The following SVIL variants were observed in gnomAD, a reference collection of about 807,000 sequenced individuals.
The protein encoded by SVIL is archvillin.
A neutral mutation model predicts 240.4 loss-of-function variants in SVIL; 101 were observed. The ratio of observed to expected loss-of-function variants is 0.42; its 90% CI spans 0.36 to 0.50. The LOEUF (loss-of-function observed/expected upper bound fraction) is 0.50, where lower values mean the gene tolerates loss of function less well. Among genes scored for constraint, SVIL ranks in the 20% least tolerant of loss-of-function variants. The probability of loss-of-function intolerance (pLI) is 0.01; values close to 1 mark genes in which losing one functional copy is unlikely to be tolerated. For synonymous variants in SVIL, 999 were observed against 1,100.0 expected (o/e 0.91, Z 1.82); for missense variants, 2,512 against 2,818.7 (o/e 0.89, Z 2.46).
intron 6 of SVIL, chr10:29,545,136 T>G (rs1952538756): frequency 1.9e-6 from 1 of 531,950 alleles, no homozygotes; most frequent in Non-Finnish European, 3.9e-6. Context: ...AACAGACCAC[T>G]GAGCCAAGAG....
rs57155637 is a variant in SVIL at position 29,652,018 on chromosome 10, A to AACACAC, written c.-201+5945_-201+5950dup. ...CCAATATATGTAAGACACACACACAAACACACACACACACACACACCAGGC... is the reference window on the plus strand; with the variant it reads ...CCAATATATGTAAGACACACACACAAACACACACACACACACACACACACACCAGGC... On this transcript the variant is annotated intron_variant, in intron 3 of 35. Coordinates refer to the SVIL transcript ENST00000375400. 9.3e-5 allele frequency among the ~76,000 whole-genome samples: 14 copies of AACACAC among 149,976 alleles called. No individual in the cohort carries two copies. The East Asian group carries it at 1.4e-3, about 15-fold the overall frequency.
At chr10:29,642,462 AGAAAGACC>A (rs201776989) in intron 3 of SVIL, among the ~76,000 whole-genome samples, 21,011 of 85,486 alleles carry the variant, frequency 0.25, 2,157 homozygotes, top group African/African-American at 0.34. Context: ...AAAGAAAGAA[AGAAAGACC>A]GACCCCTAAT....
At chr10:29,559,312 T>TC (rs1417810599) in intron 3 of SVIL, among the ~76,000 whole-genome samples, 1 of 150,022 alleles carries the variant, frequency 6.7e-6, no homozygotes, top group Non-Finnish European at 1.5e-5. Context: ...TTCTTTCTCT[T>TC]AAGTATATTT....
chr10:29,623,137 G>A (rs1957729136), intron 1 of SVIL, among the ~76,000 whole-genome samples: 1 of 152,136 alleles, frequency 6.6e-6, no homozygotes, highest in Non-Finnish European at 1.5e-5. Flanking sequence ...CAGTATTTTA[G>A]ATTTTTCCTC....
Position 29,522,550 on chromosome 10 carries a change from C to G in SVIL, c.3249G>C (p.Trp1083Cys), listed in dbSNP as rs1330684884. 1 of 1,614,044 alleles carries G rather than the reference C, an allele frequency of 6.2e-7. No homozygotes were observed. The highest frequency in any genetic ancestry group is 8.5e-7 in the Non-Finnish European group (1 of 1,180,040). Residue 1083 changes from tryptophan (W) to cysteine (C), a missense_variant, in exon 16 of 38, where the codon TGG (tryptophan) becomes TGC (cysteine). By Grantham distance (215) the Trp-to-Cys change is radical. Around this residue, in one of 3 missense-constraint regions of SVIL, gnomAD observed 1,443 missense variants for 1,486.6 expected, o/e 0.97. Transcript: ENST00000355867. ...TIAQTTAPVS[W>C]KPQDSSEQPQ... ...GCTGTTCCGAAGAATCCTGGGGCTT[C>G]CAGGACACGGGGGCTGTGGTTTGAG...
At chr10:29,562,769 G>GAAAAAAAAAAAAAAAAAAAAAAAA (rs34507610) in intron 3 of SVIL, among the ~76,000 whole-genome samples, 2 of 115,752 alleles carry the variant, frequency 1.7e-5, no homozygotes, top group Non-Finnish European at 3.5e-5. Context: ...TCAAAAAAAA[G>GAAAAAAAAAAAAAAAAAAAAAAAA]AAAAAAAAAA....
At position 29,480,152 on chromosome 10, in the gene SVIL, C is replaced by T. The variant is rs909314123; in HGVS notation, c.5377+385G>A. Among the ~76,000 whole-genome samples the T allele has an allele frequency of 1.1e-4, 17 of 152,240 alleles. No individual in the cohort carries two copies. In the South Asian group the frequency reaches 1.5e-3, roughly 13 times the overall value. On this transcript the variant is annotated intron_variant, in intron 29 of 37. Coordinates refer to ENST00000355867, the MANE Select transcript of SVIL (RefSeq NM_021738.3). ...ACCATTTGGTTCCAGCTTTAAATCA[C>T]GAAGATATGCTGTACTTAACGACTT...
chr10:29,553,914 C>A (rs1953637387), intron 5 of SVIL, among the ~76,000 whole-genome samples: 2 of 152,252 alleles, frequency 1.3e-5, no homozygotes, highest in South Asian at 4.2e-4. Context: ...GCAGCCGCTC[C>A]CTGTACTGGG....
At chr10:29,470,190 G>A in intron 32 of SVIL, 86 bp downstream of exon 32, 4 of 1,482,832 alleles carry the variant, frequency 2.7e-6, no homozygotes, top group Non-Finnish European at 3.7e-6. Context: ...CCTGGGATCT[G>A]CTGGGAGTCT....
At chr10:29,717,045 T>C (rs184359306) in intron 1 of SVIL, among the ~76,000 whole-genome samples, 4 of 151,994 alleles carry the variant, frequency 2.6e-5, no homozygotes, top group Admixed American at 6.6e-5. Context: ...CTGGCTAACA[T>C]GGTGAAACTC....
At chr10:29,664,018 G>A (rs915383644) in intron 2 of SVIL, among the ~76,000 whole-genome samples, 5 of 152,192 alleles carry the variant, frequency 3.3e-5, no homozygotes, top group East Asian at 1.9e-4. Flanking sequence ...TACGGGACAC[G>A]TTCCCCATTT....
intron 20 of SVIL, among the ~76,000 whole-genome samples, chr10:29,494,685 G>GC (rs1483155661): frequency 3.9e-5 from 6 of 152,254 alleles, no homozygotes; most frequent in African/African-American, 1.2e-4. Flanking sequence ...AGAGTTATAA[G>GC]CAAAATCACT....
chr10:29,561,160 G>A (rs1040028692), intron 3 of SVIL, among the ~76,000 whole-genome samples: 2 of 152,050 alleles, frequency 1.3e-5, no homozygotes, highest in African/African-American at 4.8e-5. Context: ...AAAGATTTAG[G>A]GACCATGTTA....
intron 1 of SVIL, among the ~76,000 whole-genome samples, chr10:29,595,005 C>T (rs1956530603): frequency 6.6e-6 from 1 of 152,184 alleles, no homozygotes; most frequent in South Asian, 2.1e-4. Context: ...AGATGCTGGT[C>T]CTGGAATGGA....
intron 6 of SVIL, among the ~76,000 whole-genome samples, chr10:29,543,960 G>A (rs1444217842): frequency 6.6e-6 from 1 of 152,142 alleles, no homozygotes; most frequent in Non-Finnish European, 1.5e-5. Context: ...CTGTTTTGAT[G>A]CAGCAACTGG....
chr10:29,513,338 A>T (rs532027278), intron 16 of SVIL, among the ~76,000 whole-genome samples: 7 of 152,366 alleles, frequency 4.6e-5, no homozygotes, highest in African/African-American at 1.7e-4. Flanking sequence ...TGGGAAGCTG[A>T]GGCAGGTGGA....
At chr10:29,697,032 G>C (rs1420522697) in intron 1 of SVIL, among the ~76,000 whole-genome samples, 1 of 135,278 alleles carries the variant, frequency 7.4e-6, no homozygotes. Context: ...TCAGCCCCCC[G>C]CCCGGCCAGC....
intron 1 of SVIL, among the ~76,000 whole-genome samples, chr10:29,727,552 C>G (rs925617273): frequency 6.6e-6 from 1 of 152,014 alleles, no homozygotes; most frequent in Non-Finnish European, 1.5e-5. Flanking sequence ...AAACACGCAA[C>G]AGAAGCTTTG....
rs370710618 is a variant in SVIL at position 29,629,433 on chromosome 10, C to T, written c.-201+4987G>A. On this transcript the variant is annotated intron_variant, in intron 1 of 37. Transcript: ENST00000355867. ...CACCTGGATCCTGTTTGTTGAATCT[C>T]TAAGTCCAGTGCAGACCTACTGAAT... Among the ~76,000 whole-genome samples, 23 of 152,298 alleles carry T rather than the reference C, an allele frequency of 1.5e-4. No homozygotes were observed. In the East Asian group the frequency reaches 3.1e-3, roughly 21 times the overall value.
Sources: gnomAD v4.1 joint callset for allele counts (sites outside exome capture counted in the v4.1 genomes callset) on GRCh38, gnomAD v4.1.1 for gene constraint, gnomAD v4.1.1 regional missense constraint, MANE v1.5 for transcripts, NCBI Gene and HGNC (gene_info 2026-07-23, HGNC 2026-07-21) for gene names.